Variants in NELL2 observed in about 807,000 individuals in gnomAD.
NELL2 encodes the protein protein kinase C-binding protein NELL2.
Under a neutral mutation model 109.6 loss-of-function variants are expected in NELL2, and 41 were observed. That is an observed-to-expected ratio of 0.37 (90% CI 0.29 to 0.49). The LOEUF (loss-of-function observed/expected upper bound fraction) is 0.49. Among genes scored for constraint, NELL2 ranks in the 20% least tolerant of loss-of-function variants. The probability of loss-of-function intolerance (pLI) is 0.98; values close to 1 mark genes in which losing one functional copy is unlikely to be tolerated. For synonymous variants in NELL2, 355 were observed against 344.7 expected (o/e 1.03, Z -0.33); for missense variants, 900 against 1,008.3 (o/e 0.89, Z 1.45).
Position 44,762,471 on chromosome 12 carries a change from C to T in NELL2, c.994+12276G>A, listed in dbSNP as rs188216559. On this transcript the variant is annotated intron_variant, in intron 9 of 19. Coordinates refer to ENST00000429094, the MANE Select transcript of NELL2 (RefSeq NM_001145108.2). ...AACTTCCACCTAATGAAGCTACCAT[C>T]ATTTCTTCCCTGTATAACTTCAAAA... Among the ~76,000 whole-genome samples, 225 of 152,318 alleles carry T rather than the reference C, an allele frequency of 1.5e-3. 1 individual carries two copies. Among genetic ancestry groups the T allele is most frequent in the Non-Finnish European group, 1.6e-3 (111 of 68,020 alleles).
At chr12:44,895,647 T>A (rs1160721465) in intron 1 of NELL2, among the ~76,000 whole-genome samples, 2 of 152,154 alleles carry the variant, frequency 1.3e-5, no homozygotes, top group East Asian at 3.9e-4. Flanking sequence ...CCCAGGGAGA[T>A]TCTAATTTGT....
chr12:44,522,157 C>A lies in NELL2; in HGVS notation c.2018G>T (p.Arg673Leu). 1 of 1,613,330 alleles carries A rather than the reference C, an allele frequency of 6.2e-7. No individual in the cohort carries two copies. The highest frequency in any genetic ancestry group is 8.5e-7 in the Non-Finnish European group (1 of 1,179,852). The part of the protein sequence containing the change: ...CSCQNGFVMC[R>L]RMVCDCENPT... ...ATTCTCACAGTCACAGACCATCCGTCGACACATAACGAATCCATTCTGTAT... is the reference window on the plus strand; with the variant it reads ...ATTCTCACAGTCACAGACCATCCGTAGACACATAACGAATCCATTCTGTAT... The change falls in exon 18 of 20, where the codon CGA becomes CTA. Residue 673 changes from arginine to leucine, a missense_variant. Arg to Leu is a moderately radical substitution (Grantham distance 102). This residue lies in a region of NELL2 where 333 missense variants were observed against 432.3 expected (regional missense o/e 0.77). Transcript: ENST00000429094.
chr12:44,639,670 C>G (rs956535409), intron 13 of NELL2, among the ~76,000 whole-genome samples: 2 of 152,294 alleles, frequency 1.3e-5, no homozygotes, highest in Admixed American at 1.3e-4. Flanking sequence ...TTACCACCAT[C>G]TATTGTCCGT....
At chr12:44,653,019 G>A (rs1947357763) in intron 13 of NELL2, among the ~76,000 whole-genome samples, 1 of 152,160 alleles carries the variant, frequency 6.6e-6, no homozygotes, top group Admixed American at 6.5e-5. Flanking sequence ...CCCAGGATAA[G>A]CTCCTCATTT....
At chr12:44,580,653 C>T (rs1464747340) in intron 15 of NELL2, among the ~76,000 whole-genome samples, 1 of 152,148 alleles carries the variant, frequency 6.6e-6, no homozygotes, top group Non-Finnish European at 1.5e-5. Flanking sequence ...GCAGAGGTTG[C>T]AGTGAGCCAA....
chr12:44,550,546 CATAAATAAATAAATAA>C lies in NELL2; in HGVS notation c.1664-17841_1664-17826del, dbSNP rs61282621. 2.4e-4 allele frequency among the ~76,000 whole-genome samples: 33 copies of C among 139,058 alleles called. No homozygotes were observed. The East Asian group carries it at 3.3e-3, about 14-fold the overall frequency. The allele number at this position is 139,058 out of a possible 152,430, so 91.2% of individuals were successfully genotyped here. On this transcript the variant is annotated intron_variant, in intron 15 of 19. Transcript: ENST00000429094. ...GCAACAGAGTGAGACTCCATCTCAA[CATAAATAAATAAATAA>C]ATAAATAAATAAATAAATAAATAAA...
At chr12:44,863,171 A>C (rs1362532294) in intron 2 of NELL2, among the ~76,000 whole-genome samples, 1 of 151,112 alleles carries the variant, frequency 6.6e-6, no homozygotes, top group Admixed American at 6.6e-5. Context: ...TTCAGCTCCC[A>C]ATTATGAGTG....
intron 1 of NELL2, among the ~76,000 whole-genome samples, chr12:44,904,587 T>A (rs569149294): frequency 6.6e-6 from 1 of 152,186 alleles, no homozygotes; most frequent in African/African-American, 2.4e-5. Flanking sequence ...AGAAAGGCCT[T>A]CCTCTTACCT....
intron 1 of NELL2, 47 bp from the exon 2 acceptor site, chr12:44,875,400 CA>C: frequency 1.2e-6 from 2 of 1,613,992 alleles, no homozygotes; most frequent in Non-Finnish European, 1.7e-6. Flanking sequence ...AAAGCTCCAT[CA>C]AAATGCAAGT....
chr12:44,785,249 A>G (rs1193584939), intron 3 of NELL2, among the ~76,000 whole-genome samples: 1 of 152,238 alleles, frequency 6.6e-6, no homozygotes, highest in Non-Finnish European at 1.5e-5. Context: ...AGAGAAACAC[A>G]GAGCCAAATC....
At chr12:44,650,510 G>T (rs1034887612) in intron 13 of NELL2, among the ~76,000 whole-genome samples, 11 of 151,970 alleles carry the variant, frequency 7.2e-5, no homozygotes, top group Non-Finnish European at 1.5e-4. Flanking sequence ...GGCCAGGCTG[G>T]TCTTGAACCC....
chr12:44,915,327 A>T (rs77021787), upstream of NELL2, among the ~76,000 whole-genome samples: 45 of 152,328 alleles, frequency 3.0e-4, no homozygotes, highest in Non-Finnish European at 6.0e-4. Context: ...ATATGCAACT[A>T]ATTGCAAAAC....
intron 15 of NELL2, among the ~76,000 whole-genome samples, chr12:44,577,677 A>G (rs1435124004): frequency 2.0e-5 from 3 of 151,550 alleles, no homozygotes; most frequent in Non-Finnish European, 4.4e-5. Context: ...ATGGGGTTTC[A>G]CCATGTTAGC....
At chr12:44,515,991 TTTTG>T (rs1288195921) in intron 19 of NELL2, among the ~76,000 whole-genome samples, 1 of 151,862 alleles carries the variant, frequency 6.6e-6, no homozygotes, top group Non-Finnish European at 1.5e-5. Flanking sequence ...ACATAATATT[TTTTG>T]TTTGTTTTCA....
intron 1 of NELL2, among the ~76,000 whole-genome samples, chr12:44,906,843 A>T (rs1945724470): frequency 6.6e-6 from 1 of 152,114 alleles, no homozygotes; most frequent in South Asian, 2.1e-4. Context: ...AGAAACACAT[A>T]AGAAATATGT....
At chr12:44,816,237 T>C (rs552119259) in intron 2 of NELL2, 101 bp from the exon 3 acceptor site, 3 of 956,270 alleles carry the variant, frequency 3.1e-6, no homozygotes, top group East Asian at 5.2e-5. Context: ...AGTTTATCAG[T>C]AGCAGCTGAT....
rs77536617 is a variant in NELL2 at position 44,905,624 on chromosome 12, C to A, written c.38+8175G>T. Among the ~76,000 whole-genome samples the A allele has an allele frequency of 5.3e-4, 80 of 152,112 alleles. No homozygotes were observed. The East Asian group carries it at 6.4e-3, about 12-fold the overall frequency. ...TCTGGTTATCCAAGCACTGAGGGAT[C>A]CTTAATGTCTCTTCCCAAATTATTT... On this transcript the variant is annotated intron_variant, in intron 1 of 20. Transcript: ENST00000333837.
intron 2 of NELL2, among the ~76,000 whole-genome samples, chr12:44,831,256 C>A (rs530338868): frequency 3.6e-4 from 55 of 152,214 alleles, no homozygotes; most frequent in African/African-American, 1.3e-3. Flanking sequence ...TTCCCAGGAG[C>A]CACACATCTG....
intron 2 of NELL2, among the ~76,000 whole-genome samples, chr12:44,835,624 C>G (rs1345201781): frequency 1.3e-5 from 2 of 152,180 alleles, no homozygotes; most frequent in Non-Finnish European, 2.9e-5. Flanking sequence ...AGGATCTTGT[C>G]CTAATGTTTA....
Sources: allele counts gnomAD v4.1 joint callset (sites outside exome capture counted in the v4.1 genomes callset), GRCh38; gene constraint gnomAD v4.1.1; regional missense constraint gnomAD v4.1.1; transcripts MANE v1.5; gene names NCBI Gene and HGNC (gene_info 2026-07-23, HGNC 2026-07-21).